IPP: variants seen among roughly 807,000 people sequenced by gnomAD.
The protein encoded by IPP is intracisternal A particle-promoted polypeptide, also known as actin-binding protein IPP.
A neutral mutation model predicts 64.1 loss-of-function variants in IPP; 41 were observed. The observed-to-expected ratio is 0.64, with a 90% CI of 0.50 to 0.83. The LOEUF is 0.83. IPP is among the 40% of genes least tolerant of loss of function. The pLI is 0.00. For missense variants in IPP, 649 were observed against 703.0 expected, an observed-to-expected ratio of 0.92 and a Z score of 0.87; for synonymous variants, 214 against 235.2, an observed-to-expected ratio of 0.91 and a Z score of 0.83.
At chr1:45,720,114 C>T (rs1001304775) in intron 5 of IPP, among the ~76,000 whole-genome samples, 1 of 151,908 alleles carries the variant, frequency 6.6e-6, no homozygotes, top group African/African-American at 2.4e-5. Flanking sequence ...CTGGCTCTGT[C>T]ACCCAGGCTA....
At chr1:45,740,136 GGGGTAAGGTCATA>G (rs1646040015) in intron 3 of IPP, among the ~76,000 whole-genome samples, 2 of 152,182 alleles carry the variant, frequency 1.3e-5, no homozygotes, top group South Asian at 4.1e-4. Flanking sequence ...CACAGGGTTG[GGGGTAAGGTCATA>G]GATCAACAGG....
chr1:45,727,449 T>C (rs909338721), intron 5 of IPP, among the ~76,000 whole-genome samples, 182 bp downstream of exon 5: 2 of 151,808 alleles, frequency 1.3e-5, no homozygotes, highest in African/African-American at 4.8e-5. Context: ...CCCTTCCCCT[T>C]GCCCTTCTCT....
rs1218074149 is a variant in IPP, at chr1:45,741,629, T to C, written c.293-297A>G. Among the ~76,000 whole-genome samples, 16 of 61,706 alleles carry C rather than the reference T, an allele frequency of 2.6e-4. 4 individuals carry two copies. In the Middle Eastern group the frequency reaches 0.032, roughly 124 times the overall value. 40.5% of individuals were successfully genotyped at this position (61,706 alleles called of 152,430 possible). A position where few individuals can be genotyped will look rare whatever the true frequency, so the allele number is the denominator to read the frequency against. ...TTATTATTTTTCTTATTTTCTTTTTTTTTTTTTTTTTTTTTTTGAGACGGA... is the reference window on the plus strand; with the variant it reads ...TTATTATTTTTCTTATTTTCTTTTTCTTTTTTTTTTTTTTTTTGAGACGGA... On this transcript the variant is annotated intron_variant, in intron 2 of 8. Transcript: ENST00000396478.
Position 45,727,624 on chromosome 1 carries a change from T to C in IPP, c.1048+7A>G. 1 of 1,505,896 alleles carries C rather than the reference T, an allele frequency of 6.6e-7. No homozygotes were observed. The highest frequency in any genetic ancestry group is 9.0e-7 in the Non-Finnish European group (1 of 1,114,486). The allele number at this position is 1,505,896 out of a possible 1,614,324, so 93.3% of individuals were successfully genotyped here. A position where few individuals can be genotyped will look rare whatever the true frequency, so the allele number is the denominator to read the frequency against. On this transcript the variant is annotated splice_region_variant and intron_variant, in intron 5 of 8. Transcript: ENST00000396478. ...TAATTAAGAAAATAAGACATTTTTATTATTACCTCCAATAGCGTAGACCAT... is the reference window on the plus strand; with the variant it reads ...TAATTAAGAAAATAAGACATTTTTACTATTACCTCCAATAGCGTAGACCAT...
rs1569937277 is a variant in IPP at position 45,699,441 on chromosome 1, C to T, written c.*525G>A. ...AAGTTTTATGTTACAATTTATACTGCACTGGAGAAGTAGCTAAAGGGACTA... is the reference window on the plus strand; with the variant it reads ...AAGTTTTATGTTACAATTTATACTGTACTGGAGAAGTAGCTAAAGGGACTA... On this transcript the variant is annotated 3_prime_UTR_variant, in exon 9 of 9. Coordinates refer to ENST00000396478, the MANE Select transcript of IPP (RefSeq NM_005897.3). The T allele has an allele frequency of 4.1e-6, 4 of 987,394 alleles. No homozygotes were observed. In the East Asian group the frequency reaches 3.4e-4, roughly 83 times the overall value. The allele number at this position is 987,394 out of a possible 1,614,324, so 61.2% of individuals were successfully genotyped here. A position where few individuals can be genotyped will look rare whatever the true frequency, so the allele number is the denominator to read the frequency against.
intron 5 of IPP, among the ~76,000 whole-genome samples, chr1:45,724,272 G>C (rs957121624): frequency 2.0e-5 from 3 of 152,170 alleles, no homozygotes; most frequent in African/African-American, 4.8e-5. Context: ...ACGGAGTCTC[G>C]TTCACTCAGT....
chr1:45,734,055 T>C (rs1253598968), intron 3 of IPP, among the ~76,000 whole-genome samples: 2 of 151,952 alleles, frequency 1.3e-5, no homozygotes, highest in African/African-American at 2.4e-5. Flanking sequence ...ATCAAATCCA[T>C]TTAAATTCAA....
intron 8 of IPP, among the ~76,000 whole-genome samples, chr1:45,712,752 G>T (rs1468831995): frequency 1.3e-5 from 2 of 151,176 alleles, no homozygotes; most frequent in Non-Finnish European, 2.9e-5. Context: ...CCAGCTACTG[G>T]AAGGCTGAGG....
rs954923316 is a variant in IPP at position 45,719,411 on chromosome 1, T to C, written c.1049-71A>G. ...AACAGACTAGCACCATAACACAATA[T>C]TCAGTAGTATTCCCTATCGTCAAAA... On this transcript the variant is annotated intron_variant, in intron 5 of 8. Transcript: ENST00000396478. 5.3e-6 allele frequency: 5 copies of C among 940,604 alleles called. No individual in the cohort carries two copies. In the African/African-American group the frequency reaches 6.7e-5, roughly 13 times the overall value. 58.3% of individuals were successfully genotyped at this position (940,604 alleles called of 1,614,324 possible).
intron 5 of IPP, among the ~76,000 whole-genome samples, chr1:45,722,628 C>CA (rs1262595048): frequency 1.3e-5 from 2 of 152,024 alleles, no homozygotes; most frequent in African/African-American, 4.8e-5. Flanking sequence ...ATATATATCT[C>CA]AAAAAGTTAA....
At chr1:45,695,420 C>G (rs1020138852), downstream of IPP, among the ~76,000 whole-genome samples, 1 of 151,998 alleles carries the variant, frequency 6.6e-6, no homozygotes, top group African/African-American at 2.4e-5. Context: ...CCTAGGCTCC[C>G]AAAGTGTTAG....
At chr1:45,740,552 G>A (rs77338228) in intron 3 of IPP, among the ~76,000 whole-genome samples, 3,928 of 151,604 alleles carry the variant, frequency 0.026, 188 homozygotes, top group African/African-American at 0.091. Flanking sequence ...GCGGGGGGCT[G>A]ACCCCCCCTA....
chr1:45,715,057 T>C (rs1645639066), intron 7 of IPP, among the ~76,000 whole-genome samples: 1 of 151,936 alleles, frequency 6.6e-6, no homozygotes, highest in South Asian at 2.1e-4. Context: ...TAGCCAGGCA[T>C]GGTGGTGTGT....
intron 8 of IPP, among the ~76,000 whole-genome samples, chr1:45,712,845 C>T (rs563207562): frequency 1.4e-5 from 2 of 137,982 alleles, no homozygotes; most frequent in African/African-American, 2.7e-5. Context: ...GTGACAGAGA[C>T]TCTATCTCAA....
intron 5 of IPP, among the ~76,000 whole-genome samples, chr1:45,724,876 G>C (rs200440275): frequency 2.8e-4 from 38 of 135,602 alleles, no homozygotes; most frequent in East Asian, 4.8e-4. Flanking sequence ...CCACCCCGTC[G>C]GGGAGGGAGG....
In IPP at chr1:45,741,179, A is replaced by G. The variant is rs767235082; in HGVS notation, c.446T>C (p.Ile149Thr). Residue 149 changes from isoleucine (I) to threonine (T), a missense_variant, in exon 3 of 9, where the codon ATT becomes ACT. Physicochemically the swap from Ile to Thr is moderately conservative, Grantham distance 89. Coordinates refer to ENST00000396478, the MANE Select transcript of IPP (RefSeq NM_005897.3). ...CIGIFQFSEQ[I>T]ACHDLLEFSE... is the part of the protein sequence containing the mutation. ...GAATTCCAAGAGATCATGGCAGGCA[A>G]TTTGCTCAGAGAACTGAAAAATTCC... The G allele has an allele frequency of 1.8e-5, 29 of 1,614,056 alleles. No homozygotes were observed. The Middle Eastern group carries it at 4.9e-4, about 27-fold the overall frequency.
In IPP at chr1:45,727,809, G is replaced by A; in HGVS notation, c.881-11C>T. On this transcript the variant is annotated splice_polypyrimidine_tract_variant and intron_variant, in intron 4 of 8. Transcript: ENST00000396478. ...ACCGAGTATATCCACCTAAACAAAA[G>A]AAGAAAAGGTAGTAATGAAAATCTA... 1 of 1,494,884 alleles carries A rather than the reference G, an allele frequency of 6.7e-7. No homozygotes were observed. The highest frequency in any genetic ancestry group is 9.1e-7 in the Non-Finnish European group (1 of 1,104,240). 92.6% of individuals were successfully genotyped at this position (1,494,884 alleles called of 1,614,324 possible).
chr1:45,718,076 C>A (rs902043444), intron 6 of IPP, among the ~76,000 whole-genome samples: 1 of 152,130 alleles, frequency 6.6e-6, no homozygotes, highest in Non-Finnish European at 1.5e-5. Flanking sequence ...ATTTGTTACA[C>A]AGATAATCAA....
downstream of IPP, chr1:45,694,609 A>G (rs756616908): frequency 1.3e-4 from 89 of 695,900 alleles, no homozygotes; most frequent in Middle Eastern, 4.8e-4. Flanking sequence ...ACCCAATTAT[A>G]TGAGCTAAAA....
Sources: gnomAD v4.1 joint callset for allele counts (sites outside exome capture counted in the v4.1 genomes callset) on GRCh38, gnomAD v4.1.1 for gene constraint, MANE v1.5 for transcripts, NCBI Gene and HGNC (gene_info 2026-07-23, HGNC 2026-07-21) for gene names.